Variants in COL9A3 observed in about 807,000 individuals in gnomAD.
COL9A3 encodes collagen alpha-3(IX) chain.
A neutral mutation model predicts 110.2 loss-of-function variants in COL9A3; 82 were observed. The ratio of observed to expected loss-of-function variants is 0.74; its 90% confidence interval spans 0.62 to 0.89. The LOEUF (loss-of-function observed/expected upper bound fraction) is 0.89, where lower values mean the gene tolerates loss of function less well. Ranked by LOEUF, COL9A3 falls within the 40% of genes least tolerant of loss-of-function variation. COL9A3 has a pLI of 0.00. For synonymous variants in COL9A3, 494 were observed against 403.8 expected (o/e 1.22, Z -2.68); for missense variants, 1,066 against 981.3 (o/e 1.09, Z -1.15).
In COL9A3 at chr20:62,840,771, GCA is replaced by G; in HGVS notation, c.*42_*43del. ...GAAGCAAGTGACAAGGACGCCCGAA[GCA>G]CAGTGGACGGTCATGAAGGAGCGGG... On this transcript the variant is annotated 3_prime_UTR_variant, in exon 32 of 32. Transcript: ENST00000649368. The G allele has an allele frequency of 6.5e-7, 1 of 1,550,126 alleles. No individual in the cohort carries two copies. Among genetic ancestry groups the G allele is most frequent in the Non-Finnish European group, 8.7e-7 (1 of 1,145,482 alleles).
At chr20:62,832,038 C>G in intron 24 of COL9A3, 116 bp from the exon 25 acceptor site, 1 of 1,074,304 alleles carries the variant, frequency 9.3e-7, no homozygotes, top group Non-Finnish European at 1.4e-6. Context: ...CACAGAAGCC[C>G]TTTGTGCAGC....
At position 62,826,233 on chromosome 20, in the gene COL9A3, G is replaced by T; in HGVS notation, c.714G>T (p.Gly238=). The part of the protein sequence containing the change: ...QGPRGLRGLP[G]PLGPPGDRGP... The stretch of plus-strand genomic sequence containing the variant: ...CCCGGGGATTACGAGGACTGCCAGG[G>T]CCACTCGGGCCCCCTGGGGACCGGG... Residue 238 remains glycine (G), a synonymous_variant, in exon 14 of 32, where the codon GGG becomes GGT. Coordinates refer to ENST00000649368, the MANE Select transcript of COL9A3 (RefSeq NM_001853.4). 1 of 1,559,232 alleles carries T rather than the reference G, an allele frequency of 6.4e-7. No homozygotes were observed. Among genetic ancestry groups the T allele is most frequent in the Non-Finnish European group, 8.7e-7 (1 of 1,152,450 alleles).
chr20:62,840,208 C>T (rs2063665448), intron 31 of COL9A3, among the ~76,000 whole-genome samples: 2 of 151,954 alleles, frequency 1.3e-5, no homozygotes, highest in South Asian at 4.2e-4. Context: ...AGCCACCCCA[C>T]AACCCCCCAC....
chr20:62,820,804 C>A, intron 5 of COL9A3, among the ~76,000 whole-genome samples: 1 of 152,126 alleles, frequency 6.6e-6, no homozygotes, highest in East Asian at 1.9e-4. Context: ...GCAGACAGGG[C>A]CTGGCTGCCC....
chr20:62,820,881 G>A (rs867215845), intron 5 of COL9A3, among the ~76,000 whole-genome samples: 27 of 152,186 alleles, frequency 1.8e-4, no homozygotes, highest in African/African-American at 5.1e-4. Context: ...GTGGGTTATC[G>A]GGAGGGCTTC....
chr20:62,834,922 A>T (rs985054032), intron 26 of COL9A3, among the ~76,000 whole-genome samples: 1 of 152,266 alleles, frequency 6.6e-6, no homozygotes, highest in Non-Finnish European at 1.5e-5. Context: ...TACAGGCGTG[A>T]GCCACCTCGC....
chr20:62,818,394 C>G, intron 2 of COL9A3, 124 bp from the exon 3 acceptor site: 1 of 965,728 alleles, frequency 1.0e-6, no homozygotes, highest in Non-Finnish European at 1.7e-6. Context: ...TCAGGGGCCC[C>G]TTTTGTCTGC....
chr20:62,827,112 G>C, intron 15 of COL9A3, 129 bp from the exon 16 acceptor site: 1 of 942,420 alleles, frequency 1.1e-6, no homozygotes, highest in Non-Finnish European at 1.7e-6. Flanking sequence ...GGCCTGGAGG[G>C]GCCCCCATCC....
chr20:62,817,718 G>A (rs1161439755), intron 2 of COL9A3, 83 bp downstream of exon 2: 3 of 966,692 alleles, frequency 3.1e-6, no homozygotes, highest in African/African-American at 3.3e-5. Flanking sequence ...CGGCCTGATG[G>A]AGAGAAAACC....
At chr20:62,834,711 C>G (rs796282463) in intron 26 of COL9A3, among the ~76,000 whole-genome samples, 15 of 152,094 alleles carry the variant, frequency 9.9e-5, no homozygotes, top group African/African-American at 3.1e-4. Context: ...GGTGTGATCT[C>G]AGCTCACTGC....
intron 30 of COL9A3, among the ~76,000 whole-genome samples, chr20:62,838,293 G>A (rs1018892375): frequency 6.6e-6 from 1 of 152,242 alleles, no homozygotes; most frequent in African/African-American, 2.4e-5. Flanking sequence ...CCGTGTGCCA[G>A]AGCCTGGGGT....
At chr20:62,837,366 G>A (rs2063645164) in intron 30 of COL9A3, 101 bp downstream of exon 30, 1 of 1,314,286 alleles carries the variant, frequency 7.6e-7, no homozygotes, top group East Asian at 2.5e-5. Context: ...CGCCCTCAGG[G>A]GTAACCCCTG....
intron 31 of COL9A3, among the ~76,000 whole-genome samples, chr20:62,839,847 CTCTCCCCT>C (rs2063662064): frequency 6.6e-6 from 1 of 150,516 alleles, no homozygotes; most frequent in African/African-American, 2.4e-5. Flanking sequence ...CCCTGGAGCC[CTCTCCCCT>C]TCTCCCCTCC....
At position 62,819,397 on chromosome 20, in the gene COL9A3, A is replaced by T. The variant is rs1991046413; in HGVS notation, c.255+104A>T. 2.6e-6 allele frequency: 3 copies of T among 1,148,590 alleles called. No individual in the cohort carries two copies. The East Asian group carries it at 7.5e-5, about 29-fold the overall frequency. 71.1% of individuals were successfully genotyped at this position (1,148,590 alleles called of 1,614,324 possible). The stretch of plus-strand genomic sequence containing the variant: ...GTCCAGCTGGGCCTGCTCAGGCGGG[A>T]AGCCCAGTCCTGAGAGAAGTCTCCA... On this transcript the variant is annotated intron_variant, in intron 4 of 31. Transcript: ENST00000649368.
In COL9A3 at chr20:62,833,127, G is replaced by T; in HGVS notation, c.1368+63G>T. On this transcript the variant is annotated intron_variant, in intron 26 of 31. Transcript: ENST00000649368. ...GGAGCGAGGTCGCCACTGTGGCTGG[G>T]GAACAGTCCTGGGGACAGGGTCAAA... 6.6e-6 allele frequency: 9 copies of T among 1,368,296 alleles called. No individual in the cohort carries two copies. In the South Asian group the frequency reaches 1.0e-4, roughly 16 times the overall value. The allele number at this position is 1,368,296 out of a possible 1,614,324, so 84.8% of individuals were successfully genotyped here. A position where few individuals can be genotyped will look rare whatever the true frequency, so the allele number is the denominator to read the frequency against.
At chr20:62,827,867 C>A in intron 16 of COL9A3, 56 bp from the exon 17 acceptor site, 1 of 1,578,180 alleles carries the variant, frequency 6.3e-7, no homozygotes. Context: ...CCGGAGAATG[C>A]GTGAGGCCGT....
At position 62,830,366 on chromosome 20, in the gene COL9A3, C is replaced by G; in HGVS notation, c.1168C>G (p.Leu390Val). The G allele has an allele frequency of 6.4e-7, 1 of 1,572,062 alleles. No homozygotes were observed. Among genetic ancestry groups the G allele is most frequent in the Non-Finnish European group, 8.6e-7 (1 of 1,158,306 alleles). Residue 390 changes from leucine to valine, a missense_variant, in exon 23 of 32, where the codon CTC becomes GTC. By Grantham distance (32) the Leu-to-Val change is conservative (BLOSUM62 1). Transcript: ENST00000649368. The part of the protein sequence containing the change: ...EAGHRGSAGA[L>V]GPQGPPGAPG... ...CCTCACCTTTGTCTTCCAGGGGGCC[C>G]TCGGCCCACAAGGCCCTCCCGGAGC...
At chr20:62,824,918 G>C in intron 11 of COL9A3, 50 bp from the exon 12 acceptor site, 1 of 1,565,884 alleles carries the variant, frequency 6.4e-7, no homozygotes, top group Non-Finnish European at 8.7e-7. Context: ...TTGCCAGGGA[G>C]GGGGTGTCGG....
chr20:62,827,187 T>G, intron 15 of COL9A3, 54 bp from the exon 16 acceptor site: 1 of 1,599,584 alleles, frequency 6.3e-7, no homozygotes. Flanking sequence ...CGTCCTACTC[T>G]CCGACCAACT....
Sources: gnomAD v4.1 joint callset for allele counts (sites outside exome capture counted in the v4.1 genomes callset) on GRCh38, gnomAD v4.1.1 for gene constraint, MANE v1.5 for transcripts, NCBI Gene and HGNC (gene_info 2026-07-23, HGNC 2026-07-21) for gene names.